MAML3: variants seen among roughly 807,000 people sequenced by gnomAD.
MAML3 encodes mastermind like transcriptional coactivator 3, also known as mastermind-like protein 3.
MAML3 carries 27 observed loss-of-function variants against 101.9 expected under a neutral mutation model. That is an observed-to-expected ratio of 0.27 (90% CI 0.20 to 0.37). The LOEUF (loss-of-function observed/expected upper bound fraction) is 0.37. Among genes scored for constraint, MAML3 ranks in the 10% least tolerant of loss-of-function variants. MAML3 has a pLI of 1.00. For synonymous variants in MAML3, 501 were observed against 555.9 expected, an observed-to-expected ratio of 0.90 and a Z score of 1.39; for missense variants, 1,316 against 1,444.9, an observed-to-expected ratio of 0.91 and a Z score of 1.45.
At position 139,725,838 on chromosome 4, in the gene MAML3, A is replaced by G; in HGVS notation, c.2332-3T>C. ...GGTAGATGTGATTGCTGCAACTGCT[A>G]GAACAACAGAACACAAGAGGGGTGG... On this transcript the variant is annotated splice_region_variant and splice_polypyrimidine_tract_variant and intron_variant, in intron 3 of 4. Coordinates refer to ENST00000509479, the MANE Select transcript of MAML3 (RefSeq NM_018717.5). 1 of 1,613,318 alleles carries G rather than the reference A, an allele frequency of 6.2e-7. No homozygotes were observed. The highest frequency in any genetic ancestry group is 2.2e-5 in the East Asian group (1 of 44,878).
intron 2 of MAML3, among the ~76,000 whole-genome samples, chr4:139,875,016 G>C (rs902596180): frequency 1.3e-5 from 2 of 152,076 alleles, no homozygotes; most frequent in Admixed American, 6.6e-5. Context: ...TGTTAGCCAG[G>C]ATGGTCTCAA....
In MAML3 at chr4:139,782,072, C is replaced by A. The variant is rs115843257; in HGVS notation, c.2080-51405G>T. 5.6e-3 allele frequency among the ~76,000 whole-genome samples: 852 copies of A among 152,248 alleles called. 6 individuals are homozygous for A. The highest frequency in any genetic ancestry group is 0.019 in the African/African-American group (809 of 41,546). ...GGACAAAGAGATCTGAGTAATAAAT[C>A]TAGATTTATATGCCCATCCCGTAAA... On this transcript the variant is annotated intron_variant, in intron 2 of 4. Transcript: ENST00000509479.
At chr4:139,770,873 G>A (rs1003835113) in intron 2 of MAML3, among the ~76,000 whole-genome samples, 1 of 152,212 alleles carries the variant, frequency 6.6e-6, no homozygotes, top group Admixed American at 6.5e-5. Context: ...AGGATGAGTG[G>A]ATAGGACTAG....
intron 4 of MAML3, among the ~76,000 whole-genome samples, chr4:139,721,910 A>G (rs345981): frequency 0.29 from 44,580 of 152,154 alleles, 8,368 homozygotes; most frequent in Middle Eastern, 0.44. Context: ...TATCGGCTGC[A>G]TGGCCAATAA....
intron 1 of MAML3, among the ~76,000 whole-genome samples, chr4:139,924,637 T>A (rs1289263354): frequency 1.3e-5 from 2 of 152,206 alleles, no homozygotes; most frequent in Non-Finnish European, 2.9e-5. Flanking sequence ...TGTACTTTCA[T>A]CATCTGGCAG....
chr4:140,130,687 G>A (rs1728777191), intron 1 of MAML3, among the ~76,000 whole-genome samples: 1 of 152,132 alleles, frequency 6.6e-6, no homozygotes, highest in South Asian at 2.1e-4. Context: ...CTAACCAGAA[G>A]AAAAGCTTAC....
intron 1 of MAML3, among the ~76,000 whole-genome samples, chr4:140,057,883 A>C (rs1727378322): frequency 6.6e-6 from 1 of 151,874 alleles, no homozygotes; most frequent in Non-Finnish European, 1.5e-5. Flanking sequence ...TGGCTTATGG[A>C]GGATCTCAAA....
At chr4:139,903,573 A>G (rs986412914) in intron 1 of MAML3, among the ~76,000 whole-genome samples, 3 of 152,206 alleles carry the variant, frequency 2.0e-5, no homozygotes, top group African/African-American at 7.2e-5. Context: ...CATACGTTGA[A>G]GTCCTAACTC....
At chr4:139,872,851 G>A (rs1470216770) in intron 2 of MAML3, among the ~76,000 whole-genome samples, 1 of 152,136 alleles carries the variant, frequency 6.6e-6, no homozygotes, top group African/African-American at 2.4e-5. Context: ...GCTGAGGTGG[G>A]TAGATCACCT....
At chr4:139,942,638 T>C (rs1217399834) in intron 1 of MAML3, among the ~76,000 whole-genome samples, 2 of 152,148 alleles carry the variant, frequency 1.3e-5, no homozygotes, top group African/African-American at 4.8e-5. Context: ...ATTACTTTTT[T>C]TTTTTTTGCC....
intron 1 of MAML3, among the ~76,000 whole-genome samples, chr4:139,944,260 T>G (rs1162630173): frequency 2.0e-5 from 3 of 152,160 alleles, no homozygotes; most frequent in African/African-American, 7.2e-5. Context: ...ACATGTGCCA[T>G]GCTGGTGCGC....
intron 1 of MAML3, among the ~76,000 whole-genome samples, chr4:140,122,785 C>G (rs1728628581): frequency 4.5e-5 from 3 of 66,260 alleles, no homozygotes; most frequent in Non-Finnish European, 1.0e-4. Context: ...GAGCGAGACT[C>G]CGTCTCAAAA....
intron 1 of MAML3, among the ~76,000 whole-genome samples, chr4:140,111,033 G>A (rs1255126020): frequency 1.3e-5 from 2 of 152,090 alleles, no homozygotes; most frequent in African/African-American, 4.8e-5. Flanking sequence ...TTTTATTTAT[G>A]GCTAAATCCT....
intron 1 of MAML3, among the ~76,000 whole-genome samples, chr4:139,973,936 C>T (rs1004281804): frequency 7.6e-4 from 115 of 152,310 alleles, no homozygotes; most frequent in African/African-American, 2.6e-3. Flanking sequence ...CATCTAACTA[C>T]ATTCACAGGC....
chr4:139,914,396 T>C (rs550218482), intron 1 of MAML3, among the ~76,000 whole-genome samples: 11 of 152,266 alleles, frequency 7.2e-5, no homozygotes, highest in African/African-American at 2.2e-4. Context: ...ACAGTTATTA[T>C]TATTATTGAT....
At chr4:139,836,338 A>G (rs1731255344) in intron 2 of MAML3, among the ~76,000 whole-genome samples, 1 of 152,222 alleles carries the variant, frequency 6.6e-6, no homozygotes, top group Admixed American at 6.5e-5. Flanking sequence ...TCAGTAAATG[A>G]AAAAAGCTAG....
At chr4:140,019,343 A>T (rs1680459133) in intron 1 of MAML3, among the ~76,000 whole-genome samples, 1 of 152,170 alleles carries the variant, frequency 6.6e-6, no homozygotes, top group South Asian at 2.1e-4. Context: ...CCATATTACA[A>T]TGATCTGTTT....
intron 2 of MAML3, among the ~76,000 whole-genome samples, chr4:139,778,869 G>A (rs1158505918): frequency 1.3e-5 from 2 of 151,844 alleles, no homozygotes; most frequent in Non-Finnish European, 2.9e-5. Flanking sequence ...TGTAGTCCCA[G>A]CTACTTGGGA....
At chr4:139,768,284 G>A (rs567808303) in intron 2 of MAML3, among the ~76,000 whole-genome samples, 35 of 141,796 alleles carry the variant, frequency 2.5e-4, no homozygotes, top group African/African-American at 8.1e-4. Flanking sequence ...TCTTTAATTA[G>A]GTCCTAATTG....
Sources: gnomAD v4.1 joint callset for allele counts (sites outside exome capture counted in the v4.1 genomes callset) on GRCh38, gnomAD v4.1.1 for gene constraint, MANE v1.5 for transcripts, NCBI Gene and HGNC (gene_info 2026-07-23, HGNC 2026-07-21) for gene names.